Variants in KCNIP4 observed in about 807,000 individuals in gnomAD.
The protein encoded by KCNIP4 is Kv channel-interacting protein 4.
KCNIP4 carries 12 observed loss-of-function variants against 34.0 expected under a neutral mutation model. The observed-to-expected ratio is 0.35, with a 90% CI of 0.23 to 0.57. KCNIP4 has a LOEUF of 0.57. KCNIP4 is among the 20% of genes least tolerant of loss of function. KCNIP4 has a pLI of 0.83. For missense variants in KCNIP4, 238 were observed against 311.7 expected, an observed-to-expected ratio of 0.76 and a Z score of 1.78; for synonymous variants, 124 against 102.2, an observed-to-expected ratio of 1.21 and a Z score of -1.29.
intron 1 of KCNIP4, among the ~76,000 whole-genome samples, chr4:21,023,510 A>G (rs1740256363): frequency 6.6e-6 from 1 of 152,208 alleles, no homozygotes; most frequent in African/African-American, 2.4e-5. Context: ...AAAATTAAGA[A>G]AGGATCTGAA....
At chr4:21,026,220 C>T (rs1740546992) in intron 1 of KCNIP4, among the ~76,000 whole-genome samples, 1 of 152,180 alleles carries the variant, frequency 6.6e-6, no homozygotes, top group Admixed American at 6.5e-5. Flanking sequence ...TCCTCTGCCT[C>T]ATGCCAATTA....
At chr4:21,488,777 A>T (rs1382740440) in intron 1 of KCNIP4, among the ~76,000 whole-genome samples, 17 of 152,088 alleles carry the variant, frequency 1.1e-4, no homozygotes, top group Admixed American at 9.8e-4. Flanking sequence ...TAAAATTCCT[A>T]ATGATTAATC....
intron 1 of KCNIP4, among the ~76,000 whole-genome samples, chr4:21,567,486 TTAG>T (rs1215398938): frequency 6.6e-6 from 1 of 152,002 alleles, no homozygotes; most frequent in Non-Finnish European, 1.5e-5. Context: ...AGCACCAATC[TTAG>T]TAGAATAAAA....
intron 1 of KCNIP4, among the ~76,000 whole-genome samples, chr4:21,836,873 T>C (rs962885469): frequency 4.0e-5 from 6 of 151,618 alleles, no homozygotes; most frequent in Non-Finnish European, 8.8e-5. Flanking sequence ...GAGGTATTAA[T>C]ATGTTGCTGA....
At chr4:21,428,151 C>G (rs1394730503) in intron 1 of KCNIP4, among the ~76,000 whole-genome samples, 1 of 151,986 alleles carries the variant, frequency 6.6e-6, no homozygotes, top group Non-Finnish European at 1.5e-5. Flanking sequence ...GGGTAGGACT[C>G]GGTCAAATGG....
In KCNIP4 at chr4:21,125,069, C is replaced by A. The variant is rs1038916049; in HGVS notation, c.62-242360G>T. ...GCCCCTACCTTTTGCTCCAGAGAAG[C>A]CTCCCCAGTCTGAACTCTTTGCTAT... On this transcript the variant is annotated intron_variant, in intron 1 of 8. Coordinates refer to ENST00000382152, the MANE Select transcript of KCNIP4 (RefSeq NM_025221.6). 8.0e-5 allele frequency among the ~76,000 whole-genome samples: 12 copies of A among 150,662 alleles called. No homozygotes were observed. In the Admixed American group the frequency reaches 8.0e-4, roughly 10 times the overall value.
chr4:21,003,101 G>A (rs28649398), intron 1 of KCNIP4, among the ~76,000 whole-genome samples: 3,050 of 152,204 alleles, frequency 0.02, 87 homozygotes, highest in African/African-American at 0.065. Context: ...AGTTTAACAC[G>A]TTTGATCTGC....
chr4:21,231,743 A>G (rs547670516), intron 1 of KCNIP4, among the ~76,000 whole-genome samples: 1 of 152,266 alleles, frequency 6.6e-6, no homozygotes, highest in South Asian at 2.1e-4. Flanking sequence ...TGTAGCATTC[A>G]TTTCATTTGA....
intron 1 of KCNIP4, among the ~76,000 whole-genome samples, chr4:21,692,026 TCCTC>T (rs1248127167): frequency 6.6e-6 from 1 of 151,974 alleles, no homozygotes; most frequent in Non-Finnish European, 1.5e-5. Context: ...GAACATGAGC[TCCTC>T]CCTTTAGACC....
intron 1 of KCNIP4, among the ~76,000 whole-genome samples, chr4:21,923,255 T>C (rs13137704): frequency 0.25 from 38,582 of 152,050 alleles, 5,721 homozygotes; most frequent in East Asian, 0.61. Flanking sequence ...TACTCAATCC[T>C]ACATTCTCAA....
intron 1 of KCNIP4, among the ~76,000 whole-genome samples, chr4:21,188,040 A>T (rs1392350924): frequency 6.6e-6 from 1 of 152,224 alleles, no homozygotes; most frequent in Admixed American, 6.5e-5. Context: ...CAGTAATATG[A>T]GAAAACTTTT....
chr4:21,290,226 A>C (rs901963479), intron 1 of KCNIP4, among the ~76,000 whole-genome samples: 2 of 152,186 alleles, frequency 1.3e-5, no homozygotes, highest in Admixed American at 6.5e-5. Flanking sequence ...TCTTATTTTT[A>C]AAGATTAAAA....
chr4:21,083,270 T>C (rs1056492669), intron 1 of KCNIP4, among the ~76,000 whole-genome samples: 1 of 151,566 alleles, frequency 6.6e-6, no homozygotes, highest in Non-Finnish European at 1.5e-5. Flanking sequence ...TTCCTCTCTC[T>C]TTTTTTTCTC....
At chr4:21,887,560 A>G (rs1050019182) in intron 1 of KCNIP4, among the ~76,000 whole-genome samples, 23 of 152,114 alleles carry the variant, frequency 1.5e-4, no homozygotes, top group African/African-American at 5.6e-4. Context: ...ATTTTGAATG[A>G]TGAATTTCAC....
intron 1 of KCNIP4, among the ~76,000 whole-genome samples, chr4:21,603,975 T>C (rs963968435): frequency 6.6e-6 from 1 of 152,086 alleles, no homozygotes; most frequent in African/African-American, 2.4e-5. Context: ...GACTTGTGAT[T>C]TTAAGTTGAA....
At chr4:21,204,372 T>C (rs893407385) in intron 1 of KCNIP4, among the ~76,000 whole-genome samples, 6 of 152,330 alleles carry the variant, frequency 3.9e-5, no homozygotes, top group East Asian at 3.9e-4. Flanking sequence ...TTGTCCTTTA[T>C]ACAGCATAGA....
intron 1 of KCNIP4, chr4:21,718,713 G>A (rs1714575092): frequency 6.6e-6 from 1 of 152,042 alleles, no homozygotes; most frequent in Non-Finnish European, 1.5e-5. Context: ...CATGATTCCA[G>A]AAACTCAAGA....
chr4:21,102,440 T>C (rs1461521204), intron 1 of KCNIP4, among the ~76,000 whole-genome samples: 1 of 152,156 alleles, frequency 6.6e-6, no homozygotes, highest in Non-Finnish European at 1.5e-5. Context: ...GGTTAGAAGA[T>C]AATGAGGCCA....
chr4:21,142,238 T>C (rs1577772921), intron 1 of KCNIP4, among the ~76,000 whole-genome samples: 1 of 150,816 alleles, frequency 6.6e-6, no homozygotes, highest in Admixed American at 6.6e-5. Context: ...TCTTAGAAAC[T>C]ACTTTGATCA....
Sources: allele counts gnomAD v4.1 joint callset (sites outside exome capture counted in the v4.1 genomes callset), GRCh38; gene constraint gnomAD v4.1.1; transcripts MANE v1.5; gene names NCBI Gene and HGNC (gene_info 2026-07-23, HGNC 2026-07-21).